ZC3H12C: variants seen among roughly 807,000 people sequenced by gnomAD.
ZC3H12C encodes zinc finger CCCH-type containing 12C.
Under a neutral mutation model 76.3 loss-of-function variants are expected in ZC3H12C, and 20 were observed. That is an observed-to-expected ratio of 0.26 (90% CI 0.18 to 0.38). The LOEUF (loss-of-function observed/expected upper bound fraction) is 0.38. Ranked by LOEUF, ZC3H12C falls within the 10% of genes least tolerant of loss-of-function variation. The pLI is 1.00. For missense variants in ZC3H12C, 874 were observed against 1,086.5 expected, an observed-to-expected ratio of 0.80 and a Z score of 2.75; for synonymous variants, 352 against 399.6, an observed-to-expected ratio of 0.88 and a Z score of 1.42.
chr11:110,128,889 CAA>C (rs145436449), intron 1 of ZC3H12C, among the ~76,000 whole-genome samples: 30,792 of 93,882 alleles, frequency 0.33, 2,969 homozygotes, highest in Middle Eastern at 0.4. Flanking sequence ...CCACCACTAA[CAA>C]AAAAAAAAAA....
intron 1 of ZC3H12C, among the ~76,000 whole-genome samples, chr11:110,096,405 G>A (rs1591453161): frequency 6.6e-6 from 1 of 152,256 alleles, no homozygotes; most frequent in East Asian, 1.9e-4. Flanking sequence ...TAATAGTCAC[G>A]TTTGTACACT....
intron 3 of ZC3H12C, among the ~76,000 whole-genome samples, chr11:110,156,301 G>A (rs1862376836): frequency 6.6e-6 from 1 of 152,154 alleles, no homozygotes; most frequent in Admixed American, 6.5e-5. Flanking sequence ...TTTTTAAGTT[G>A]TCAGCATCAT....
intron 1 of ZC3H12C, among the ~76,000 whole-genome samples, chr11:110,103,135 G>T (rs1344345319): frequency 6.6e-6 from 1 of 152,070 alleles, no homozygotes. Context: ...AGTAAGAGAT[G>T]GTTACAATAA....
chr11:110,152,182 T>C (rs1045485992), intron 2 of ZC3H12C, among the ~76,000 whole-genome samples: 6 of 152,224 alleles, frequency 3.9e-5, no homozygotes, highest in African/African-American at 1.2e-4. Context: ...TGGTGCTAGA[T>C]AAACACTTAC....
At chr11:110,154,735 G>A (rs1328706087) in intron 3 of ZC3H12C, among the ~76,000 whole-genome samples, 2 of 136,906 alleles carry the variant, frequency 1.5e-5, no homozygotes, top group Non-Finnish European at 3.1e-5. Context: ...CCTGCATTTT[G>A]AGAAACTTTC....
At position 110,165,997 on chromosome 11, in the gene ZC3H12C, A is replaced by T. The variant is rs917720629; in HGVS notation, c.*260A>T. 7.3e-5 allele frequency: 30 copies of T among 411,828 alleles called. No homozygotes were observed. Among genetic ancestry groups the T allele is most frequent in the Non-Finnish European group, 9.1e-5 (21 of 231,150 alleles). The allele number at this position is 411,828 out of a possible 1,614,324, so 25.5% of individuals were successfully genotyped here. A position where few individuals can be genotyped will look rare whatever the true frequency, so the allele number is the denominator to read the frequency against. ...CTTGGCTGGAAATTTTTCCAGTTTG[A>T]TTTAATAGATGTATCTGTGATCTTT... On this transcript the variant is annotated 3_prime_UTR_variant, in exon 6 of 6. Coordinates refer to ENST00000278590, the MANE Select transcript of ZC3H12C (RefSeq NM_033390.2).
chr11:110,119,566 C>G (rs933884227), intron 1 of ZC3H12C, among the ~76,000 whole-genome samples: 5 of 152,192 alleles, frequency 3.3e-5, no homozygotes, highest in African/African-American at 1.2e-4. Context: ...ATGAGCACAC[C>G]ATGCACACTC....
At chr11:110,146,142 A>G (rs1025220258) in intron 2 of ZC3H12C, among the ~76,000 whole-genome samples, 1 of 152,068 alleles carries the variant, frequency 6.6e-6, no homozygotes, top group Non-Finnish European at 1.5e-5. Context: ...GCCCGCCACC[A>G]CGCCCGGCTA....
chr11:110,125,270 A>AGTGTGTGT (rs59512764), intron 1 of ZC3H12C, among the ~76,000 whole-genome samples: 71 of 138,780 alleles, frequency 5.1e-4, no homozygotes, highest in African/African-American at 9.3e-4. Flanking sequence ...ATCTCTCACT[A>AGTGTGTGT]GTGTGTGTGT....
At chr11:110,113,533 ATG>A (rs1403821175) in intron 1 of ZC3H12C, among the ~76,000 whole-genome samples, 2 of 152,212 alleles carry the variant, frequency 1.3e-5, no homozygotes, top group African/African-American at 4.8e-5. Flanking sequence ...ATTCAATCCT[ATG>A]TTTTTGTTTT....
At chr11:110,094,377 G>A (rs1211150583) in intron 1 of ZC3H12C, among the ~76,000 whole-genome samples, 1 of 152,160 alleles carries the variant, frequency 6.6e-6, no homozygotes, top group African/African-American at 2.4e-5. Flanking sequence ...GAGATAATTG[G>A]AGCTAAGTAT....
intron 1 of ZC3H12C, among the ~76,000 whole-genome samples, chr11:110,110,106 A>G (rs1282423077): frequency 1.3e-5 from 2 of 152,154 alleles, no homozygotes; most frequent in Non-Finnish European, 2.9e-5. Flanking sequence ...TGTTGTTTAA[A>G]CACCTAAACC....
intron 3 of ZC3H12C, among the ~76,000 whole-genome samples, chr11:110,157,688 A>G (rs966334855): frequency 6.6e-6 from 1 of 152,156 alleles, no homozygotes; most frequent in Non-Finnish European, 1.5e-5. Flanking sequence ...TGCCTGCCTC[A>G]GCCTCCCAAA....
In ZC3H12C at chr11:110,159,348, G is replaced by A. The variant is rs747122949; in HGVS notation, c.1006G>A (p.Asp336Asn). 16 of 1,614,030 alleles carry A rather than the reference G, an allele frequency of 9.9e-6. No individual in the cohort carries two copies. The highest frequency in any genetic ancestry group is 1.3e-5 in the Non-Finnish European group (15 of 1,179,992). Residue 336 changes from aspartate to asparagine, a missense_variant, in exon 4 of 6, where the codon GAC (aspartate) becomes AAC (asparagine). Physicochemically the swap from Asp to Asn is conservative, Grantham distance 23 (BLOSUM62 1). Transcript: ENST00000278590. ...VQGRRVVCYDDRFIVKLAFES... is the reference protein window; with the variant it reads ...VQGRRVVCYDNRFIVKLAFES... ...GGGGAGGAGAGTGGTGTGCTATGACGACAGGTTCATCGTGAAGCTGGCTTT... is the reference window on the plus strand; with the variant it reads ...GGGGAGGAGAGTGGTGTGCTATGACAACAGGTTCATCGTGAAGCTGGCTTT...
intron 1 of ZC3H12C, among the ~76,000 whole-genome samples, chr11:110,113,435 A>G (rs1861470528): frequency 6.6e-6 from 1 of 151,612 alleles, no homozygotes; most frequent in Admixed American, 6.7e-5. Flanking sequence ...ACATCTTGTT[A>G]TTTTAATGTG....
chr11:110,113,621 A>G (rs1861473821), intron 1 of ZC3H12C, among the ~76,000 whole-genome samples: 1 of 152,230 alleles, frequency 6.6e-6, no homozygotes, highest in African/African-American at 2.4e-5. Context: ...TGTTACAAAA[A>G]TATGCCTGTT....
At chr11:110,119,442 A>T (rs929660699) in intron 1 of ZC3H12C, among the ~76,000 whole-genome samples, 3 of 152,200 alleles carry the variant, frequency 2.0e-5, no homozygotes, top group Admixed American at 1.3e-4. Flanking sequence ...AATGCAGTTT[A>T]AAGCTTGAGA....
At position 110,094,481 on chromosome 11, in the gene ZC3H12C, C is replaced by T. The variant is rs573178543; in HGVS notation, c.21+1049C>T. 5.3e-5 allele frequency among the ~76,000 whole-genome samples: 8 copies of T among 152,240 alleles called. No individual in the cohort carries two copies. The South Asian group carries it at 1.7e-3, about 32-fold the overall frequency. ...TAAAATGCATATTATAAACGGAAAACGAGATAAACCTCAAACACAATTTTT... is the reference window on the plus strand; with the variant it reads ...TAAAATGCATATTATAAACGGAAAATGAGATAAACCTCAAACACAATTTTT... On this transcript the variant is annotated intron_variant, in intron 1 of 5. Transcript: ENST00000278590.
chr11:110,104,735 A>G (rs1861288481), intron 1 of ZC3H12C, among the ~76,000 whole-genome samples: 1 of 152,228 alleles, frequency 6.6e-6, no homozygotes, highest in South Asian at 2.1e-4. Context: ...AACATGATCT[A>G]CTTTGAAGAG....
Sources: allele counts gnomAD v4.1 joint callset (sites outside exome capture counted in the v4.1 genomes callset), GRCh38; gene constraint gnomAD v4.1.1; transcripts MANE v1.5; gene names NCBI Gene and HGNC (gene_info 2026-07-23, HGNC 2026-07-21).